RALYL: variants seen among roughly 807,000 people sequenced by gnomAD.
The protein encoded by RALYL is RNA-binding Raly-like protein.
RALYL carries 29 observed loss-of-function variants against 35.1 expected under a neutral mutation model. The observed-to-expected ratio is 0.83, with a 90% CI of 0.61 to 1.13. The LOEUF is 1.13. RALYL is among the 50% of genes most tolerant of loss of function. The pLI is 0.00. For missense variants in RALYL, 359 were observed against 360.4 expected (o/e 1.00, Z 0.03); for synonymous variants, 120 against 127.6 (o/e 0.94, Z 0.40).
chr8:84,418,240 C>A (rs572312392), intron 1 of RALYL, among the ~76,000 whole-genome samples: 7 of 152,172 alleles, frequency 4.6e-5, no homozygotes, highest in South Asian at 2.1e-4. Context: ...GATTACGGAA[C>A]CTTGGGCACA....
intron 1 of RALYL, among the ~76,000 whole-genome samples, chr8:84,372,389 A>G (rs993685918): frequency 5.3e-5 from 8 of 151,986 alleles, no homozygotes; most frequent in Non-Finnish European, 1.0e-4. Context: ...TAAAGCAACA[A>G]GAATAGTTCA....
chr8:84,884,968 G>A (rs1350770741), intron 7 of RALYL, among the ~76,000 whole-genome samples: 1 of 152,050 alleles, frequency 6.6e-6, no homozygotes, highest in Non-Finnish European at 1.5e-5. Context: ...CAAAACCAGA[G>A]TAGCCACCTC....
chr8:84,688,200 A>G (rs1837236687), intron 2 of RALYL, among the ~76,000 whole-genome samples: 1 of 152,044 alleles, frequency 6.6e-6, no homozygotes, highest in South Asian at 2.1e-4. Flanking sequence ...GTGTTAAATA[A>G]TATGTAATAT....
chr8:84,842,005 A>G (rs956582615), intron 4 of RALYL, among the ~76,000 whole-genome samples: 16 of 152,200 alleles, frequency 1.1e-4, no homozygotes, highest in Non-Finnish European at 1.0e-4. Context: ...AATGCCCACA[A>G]GAGAAAGCAG....
intron 1 of RALYL, among the ~76,000 whole-genome samples, chr8:84,278,564 C>T (rs1835887634): frequency 6.6e-6 from 1 of 152,174 alleles, no homozygotes; most frequent in South Asian, 2.1e-4. Context: ...TTCCAAAATT[C>T]CATGCCTTGC....
intron 8 of RALYL, among the ~76,000 whole-genome samples, chr8:84,904,285 T>A (rs1340488092): frequency 6.6e-6 from 1 of 152,154 alleles, no homozygotes; most frequent in Non-Finnish European, 1.5e-5. Context: ...ATATTGTAAA[T>A]AGAGGACTTA....
Position 84,548,221 on chromosome 8 carries a change from G to A in RALYL, c.256+18644G>A, listed in dbSNP as rs548353156. Among the ~76,000 whole-genome samples, 23 of 148,758 alleles carry A rather than the reference G, an allele frequency of 1.5e-4. 1 individual carries two copies. The highest frequency in any genetic ancestry group is 1.1e-3 in the Admixed American group (16 of 15,018). ...TTAAAATTTACTTCCTTTCCATCTC[G>A]TATTTTTCTTAAGTATGATTTTCTG... On this transcript the variant is annotated intron_variant, in intron 2 of 8. Transcript: ENST00000521268.
At chr8:84,568,126 G>A (rs576844613) in intron 2 of RALYL, among the ~76,000 whole-genome samples, 29 of 150,380 alleles carry the variant, frequency 1.9e-4, no homozygotes, top group Non-Finnish European at 3.4e-4. Context: ...GTATACATGC[G>A]CCATGTTGGG....
At chr8:84,341,600 G>C (rs1189880938) in intron 1 of RALYL, among the ~76,000 whole-genome samples, 8 of 151,896 alleles carry the variant, frequency 5.3e-5, no homozygotes. Flanking sequence ...AATTGCCCTT[G>C]AAAAAGTTAA....
chr8:84,848,398 C>CAT (rs1033341028), intron 4 of RALYL, among the ~76,000 whole-genome samples: 8 of 147,100 alleles, frequency 5.4e-5, no homozygotes, highest in African/African-American at 1.7e-4. Context: ...TGTGTGTGTG[C>CAT]ATATATATAT....
chr8:84,661,427 ATAC>A (rs1220088523), intron 2 of RALYL, among the ~76,000 whole-genome samples: 1 of 152,036 alleles, frequency 6.6e-6, no homozygotes, highest in Non-Finnish European at 1.5e-5. Flanking sequence ...TACAGTATGT[ATAC>A]TACTATCTTA....
chr8:84,806,939 A>T (rs575743649), intron 4 of RALYL, among the ~76,000 whole-genome samples: 2 of 152,168 alleles, frequency 1.3e-5, no homozygotes, highest in African/African-American at 4.8e-5. Flanking sequence ...TGAGCCCAGC[A>T]GGTCCGGGCT....
intron 2 of RALYL, among the ~76,000 whole-genome samples, chr8:84,672,341 C>T (rs1289659582): frequency 6.6e-6 from 1 of 152,180 alleles, no homozygotes; most frequent in Non-Finnish European, 1.5e-5. Context: ...TCCAAACTTT[C>T]CCACATCTTG....
At position 84,342,296 on chromosome 8, in the gene RALYL, A is replaced by ATATATATATATATATATATATATATATAT. The variant is rs1554626164; in HGVS notation, c.-24+157872_-24+157873insTATATATATATATATATATATATATATAT. 8.7e-4 allele frequency among the ~76,000 whole-genome samples: 104 copies of ATATATATATATATATATATATATATATAT among 119,082 alleles called. 1 individual carries two copies. The highest frequency in any genetic ancestry group is 4.1e-3 in the Middle Eastern group (1 of 246). The allele number at this position is 119,082 out of a possible 152,430, so 78.1% of individuals were successfully genotyped here. ...TCGTTCAATATATATATATATATAT[A>ATATATATATATATATATATATATATATAT]AAACTCAAAAAGTGTGGTCCTCCCA... On this transcript the variant is annotated intron_variant, in intron 1 of 8. Coordinates refer to ENST00000521268, the MANE Select transcript of RALYL (RefSeq NM_173848.7).
chr8:84,544,292 T>C (rs1460669143), intron 2 of RALYL, among the ~76,000 whole-genome samples: 1 of 151,994 alleles, frequency 6.6e-6, no homozygotes, highest in Non-Finnish European at 1.5e-5. Context: ...ATTTAGCTTT[T>C]TTTCCCTCTG....
chr8:84,663,121 A>C (rs1021225427), intron 2 of RALYL, among the ~76,000 whole-genome samples: 3 of 152,124 alleles, frequency 2.0e-5, no homozygotes, highest in Non-Finnish European at 4.4e-5. Context: ...GCCAAGGATA[A>C]TGGATTCCAG....
At chr8:84,781,508 T>C (rs1460768745) in intron 3 of RALYL, among the ~76,000 whole-genome samples, 1 of 152,138 alleles carries the variant, frequency 6.6e-6, no homozygotes, top group African/African-American at 2.4e-5. Flanking sequence ...AGAGTAGAGG[T>C]AGAGGGAGAA....
chr8:84,355,247 A>T (rs1185404077), intron 1 of RALYL, among the ~76,000 whole-genome samples: 1 of 150,404 alleles, frequency 6.6e-6, no homozygotes, highest in Non-Finnish European at 1.5e-5. Flanking sequence ...CTCTGCCGGG[A>T]ACTAGGACTA....
chr8:84,236,841 A>G lies in RALYL; in HGVS notation c.-24+52417A>G, dbSNP rs568952266. Among the ~76,000 whole-genome samples, 16 of 152,340 alleles carry G rather than the reference A, an allele frequency of 1.1e-4. No individual in the cohort carries two copies. In the South Asian group the frequency reaches 3.3e-3, roughly 32 times the overall value. ...GGTTTCATGCTTCAAACACAGGTAG[A>G]ATATAATAAAATTATGGGAGATGAT... On this transcript the variant is annotated intron_variant, in intron 1 of 8. Coordinates refer to ENST00000521268, the MANE Select transcript of RALYL (RefSeq NM_173848.7).
Sources: gnomAD v4.1 joint callset for allele counts (sites outside exome capture counted in the v4.1 genomes callset) on GRCh38, gnomAD v4.1.1 for gene constraint, MANE v1.5 for transcripts, NCBI Gene and HGNC (gene_info 2026-07-23, HGNC 2026-07-21) for gene names.